The following CA4 variants were observed in gnomAD, a reference collection of about 807,000 sequenced individuals.
CA4 encodes the protein CA-IV.
A neutral mutation model predicts 34.5 loss-of-function variants in CA4; 24 were observed. The observed-to-expected ratio is 0.70, with a 90% CI of 0.50 to 0.98. The LOEUF (loss-of-function observed/expected upper bound fraction) is 0.98. CA4 is among the 50% of genes least tolerant of loss of function. The probability of loss-of-function intolerance (pLI) is 0.00; values close to 1 mark genes in which losing one functional copy is unlikely to be tolerated. For missense variants in CA4, 394 were observed against 396.7 expected, an observed-to-expected ratio of 0.99 and a Z score of 0.06; for synonymous variants, 178 against 170.6, an observed-to-expected ratio of 1.04 and a Z score of -0.34.
intron 2 of CA4, among the ~76,000 whole-genome samples, chr17:60,155,829 C>T (rs961635022): frequency 1.3e-5 from 2 of 152,200 alleles, no homozygotes; most frequent in Admixed American, 6.5e-5. Flanking sequence ...GGAAGAAAGG[C>T]GTTTTGCTGT....
intron 5 of CA4, among the ~76,000 whole-genome samples, chr17:60,168,800 T>A (rs1330906596): frequency 6.6e-6 from 1 of 152,034 alleles, no homozygotes; most frequent in African/African-American, 2.4e-5. Context: ...AGAGCACACT[T>A]GAGATACCCT....
chr17:60,150,931 G>A lies in CA4; in HGVS notation c.58+839G>A, dbSNP rs549510307. 3.3e-5 allele frequency among the ~76,000 whole-genome samples: 5 copies of A among 152,206 alleles called. No homozygotes were observed. The South Asian group carries it at 1.0e-3, about 32-fold the overall frequency. On this transcript the variant is annotated intron_variant, in intron 1 of 7. Transcript: ENST00000300900. ...AGCGCTGAATTGGGAGCCTGGCGGG[G>A]GCGGGGGGTGGGGGACCCGGAGCCC... is the stretch of plus-strand genomic sequence containing the variant.
downstream of CA4, among the ~76,000 whole-genome samples, chr17:60,174,037 T>C (rs117660378): frequency 4.7e-3 from 719 of 152,344 alleles, 1 homozygote; most frequent in Middle Eastern, 0.017. Flanking sequence ...GCCTGTATTG[T>C]TTCCTTAAGT....
chr17:60,157,455 C>A lies in CA4; in HGVS notation c.297C>A (p.Ser99Arg). 1 of 1,614,172 alleles carries A rather than the reference C, an allele frequency of 6.2e-7. No homozygotes were observed. The highest frequency in any genetic ancestry group is 8.5e-7 in the Non-Finnish European group (1 of 1,180,002). The change falls in exon 4 of 8, where the codon AGC becomes AGA. Residue 99 changes from serine to arginine, a missense_variant. Transcript: ENST00000300900. ...SVMMLLENKA[S>R]ISGGGLPAPY... Reference sequence around the variant, plus strand: ...TGATGTTGCTGGAGAACAAGGCCAGCATTTCTGGAGGAGGACTGCCTGCCC... The same window carrying A: ...TGATGTTGCTGGAGAACAAGGCCAGAATTTCTGGAGGAGGACTGCCTGCCC...
At chr17:60,159,088 C>T (rs1003897421) in intron 7 of CA4, 142 bp from the exon 8 acceptor site, 23 of 743,710 alleles carry the variant, frequency 3.1e-5, no homozygotes, top group Middle Eastern at 3.3e-4. Context: ...ATCATCTTCA[C>T]GACCACCTTG....
chr17:60,162,910 G>T (rs895755498), downstream of CA4, among the ~76,000 whole-genome samples: 1 of 152,172 alleles, frequency 6.6e-6, no homozygotes, highest in Admixed American at 6.5e-5. Flanking sequence ...TGTGTCCAGG[G>T]GCAGGGTGGG....
chr17:60,159,590 T>C (rs1407318305), downstream of CA4: 4 of 762,722 alleles, frequency 5.2e-6, no homozygotes, highest in Non-Finnish European at 8.7e-6. Context: ...TACCCCACCC[T>C]GTCCCCCTCC....
At chr17:60,160,351 T>A (rs192850697), downstream of CA4, among the ~76,000 whole-genome samples, 5 of 152,304 alleles carry the variant, frequency 3.3e-5, no homozygotes, top group African/African-American at 9.6e-5. Context: ...TGGCAGAGAA[T>A]AAAAGACAAA....
rs2083760959 is a variant in CA4 at position 60,159,532 on chromosome 17, A to T, written c.*108A>T. ...CTTTAGGCATGATTAAAATATGGACATATTTTTGGAGAAACCTTTCTCAAG... is the reference window on the plus strand; with the variant it reads ...CTTTAGGCATGATTAAAATATGGACTTATTTTTGGAGAAACCTTTCTCAAG... On this transcript the variant is annotated 3_prime_UTR_variant, in exon 8 of 8. Transcript: ENST00000300900. 8.0e-7 allele frequency: 1 copy of T among 1,245,212 alleles called. No individual in the cohort carries two copies. Among genetic ancestry groups the T allele is most frequent in the Non-Finnish European group, 1.1e-6 (1 of 881,382 alleles). The allele number at this position is 1,245,212 out of a possible 1,614,324, so 77.1% of individuals were successfully genotyped here.
intron 5 of CA4, among the ~76,000 whole-genome samples, chr17:60,166,551 T>C (rs2083857377): frequency 6.6e-6 from 1 of 152,280 alleles, no homozygotes; most frequent in Non-Finnish European, 1.5e-5. Context: ...AATTATTTGC[T>C]GTGCTTTATA....
In CA4 at chr17:60,159,273, C is replaced by T. The variant is rs777166953; in HGVS notation, c.788C>T (p.Thr263Ile). The T allele has an allele frequency of 6.2e-7, 1 of 1,609,876 alleles. No individual in the cohort carries two copies. The highest frequency in any genetic ancestry group is 8.5e-7 in the Non-Finnish European group (1 of 1,178,020). ...SQKLYYDKEQ[T>I]VSMKDNVRPL... Reference sequence around the variant, plus strand: ...AAGCTGTACTACGACAAGGAACAGACAGTGAGCATGAAGGACAATGTCAGG... The same window carrying T: ...AAGCTGTACTACGACAAGGAACAGATAGTGAGCATGAAGGACAATGTCAGG... Residue 263 changes from threonine (T) to isoleucine (I), a missense_variant, in exon 8 of 8, where the codon ACA (threonine) becomes ATA (isoleucine). Thr to Ile is a moderately conservative substitution (Grantham distance 89). Coordinates refer to ENST00000300900, the MANE Select transcript of CA4 (RefSeq NM_000717.5).
chr17:60,155,343 G>C lies in CA4; in HGVS notation c.88G>C (p.Glu30Gln). The change falls in exon 2 of 8, where the codon GAG becomes CAG. Residue 30 changes from glutamate to glutamine, a missense_variant. By Grantham distance (29) the Glu-to-Gln change is conservative. Coordinates refer to ENST00000300900, the MANE Select transcript of CA4 (RefSeq NM_000717.5). ...ACACTGGTGCTACGAGGTTCAAGCCGAGTCCTCCAACTACCCCTGCTTGGG... is the reference window on the plus strand; with the variant it reads ...ACACTGGTGCTACGAGGTTCAAGCCCAGTCCTCCAACTACCCCTGCTTGGG... ...ESHWCYEVQAESSNYPCLVPV... is the reference protein window; with the variant it reads ...ESHWCYEVQAQSSNYPCLVPV... 6.2e-7 allele frequency: 1 copy of C among 1,611,200 alleles called. No homozygotes were observed.
chr17:60,157,070 C>G (rs1031440268), intron 3 of CA4: 4 of 515,848 alleles, frequency 7.8e-6, no homozygotes, highest in African/African-American at 7.7e-5. Context: ...CCAGGGGCAG[C>G]TGGGCTGGGG....
downstream of CA4, among the ~76,000 whole-genome samples, chr17:60,163,487 A>T (rs2083818259): frequency 6.6e-6 from 1 of 151,986 alleles, no homozygotes; most frequent in Non-Finnish European, 1.5e-5. Context: ...GTCCCCGGTG[A>T]CCTCAGAAGG....
At chr17:60,153,836 C>G (rs1041722134) in intron 1 of CA4, among the ~76,000 whole-genome samples, 7 of 152,166 alleles carry the variant, frequency 4.6e-5, no homozygotes, top group Non-Finnish European at 1.0e-4. Flanking sequence ...GAGCCCTGCC[C>G]GGGGCTGGGG....
chr17:60,157,229 G>T (rs963759273), intron 3 of CA4, among the ~76,000 whole-genome samples, 198 bp from the exon 4 acceptor site: 6 of 152,236 alleles, frequency 3.9e-5, no homozygotes, highest in African/African-American at 1.4e-4. Context: ...GGCAGGCAGG[G>T]AGACCAAGGA....
At chr17:60,155,116 A>T (rs2083654447) in intron 1 of CA4, among the ~76,000 whole-genome samples, 198 bp from the exon 2 acceptor site, 1 of 152,142 alleles carries the variant, frequency 6.6e-6, no homozygotes, top group Non-Finnish European at 1.5e-5. Flanking sequence ...GCCCTATGCC[A>T]GCTGACCTGT....
intron 3 of CA4, 93 bp from the exon 4 acceptor site, chr17:60,157,334 G>A (rs2083706064): frequency 6.9e-7 from 1 of 1,457,642 alleles, no homozygotes; most frequent in South Asian, 1.2e-5. Context: ...TGGGAGGCAG[G>A]AGACAATGTC....
chr17:60,176,199 A>T, the CA4 span, among the ~76,000 whole-genome samples: 17 of 152,194 alleles, frequency 1.1e-4, no homozygotes, highest in Admixed American at 1.0e-3. Context: ...TCAGAATAGC[A>T]AGGAGGTAAA....
Sources: gnomAD v4.1 joint callset for allele counts (sites outside exome capture counted in the v4.1 genomes callset) on GRCh38, gnomAD v4.1.1 for gene constraint, MANE v1.5 for transcripts, NCBI Gene and HGNC (gene_info 2026-07-23, HGNC 2026-07-21) for gene names.